RYK: variants seen among roughly 807,000 people sequenced by gnomAD.
RYK encodes inactive tyrosine-protein kinase RYK.
In RYK, 21 loss-of-function variants were observed where a neutral mutation model predicts 70.2. The ratio of observed to expected loss-of-function variants is 0.30; its 90% CI spans 0.21 to 0.43. The LOEUF (loss-of-function observed/expected upper bound fraction) is 0.43. RYK is among the 20% of genes least tolerant of loss of function. The probability of loss-of-function intolerance (pLI) is 1.00; values close to 1 mark genes in which losing one functional copy is unlikely to be tolerated. For synonymous variants in RYK, 267 were observed against 278.0 expected, an observed-to-expected ratio of 0.96 and a Z score of 0.39; for missense variants, 604 against 753.3, an observed-to-expected ratio of 0.80 and a Z score of 2.32.
chr3:134,225,879 A>C (rs2107687479), intron 1 of RYK, among the ~76,000 whole-genome samples: 1 of 151,990 alleles, frequency 6.6e-6, no homozygotes, highest in East Asian at 1.9e-4. Context: ...GATCAAAAAA[A>C]AAAAAGATCA....
chr3:134,188,859 T>C lies in RYK; in HGVS notation c.1080A>G (p.Gln360=), dbSNP rs2013554863. 6.3e-7 allele frequency: 1 copy of C among 1,576,418 alleles called. No homozygotes were observed. ...IDEKDPNKEK[Q]AFVKTVKDQA... ...TACCTTTAACTGTTTTGACAAATGC[T>C]TGTTTTTCTTTATTTGGATCTTTTT... Residue 360 remains glutamine (Q), a synonymous_variant, in exon 9 of 15, where the codon CAA becomes CAG. Transcript: ENST00000623711.
chr3:134,221,935 CT>C (rs2014750637), intron 2 of RYK, among the ~76,000 whole-genome samples: 1 of 152,126 alleles, frequency 6.6e-6, no homozygotes, highest in African/African-American at 2.4e-5. Flanking sequence ...GGGTTTAGCC[CT>C]TATGGGTAAA....
At chr3:134,196,433 A>C (rs2013812460) in intron 6 of RYK, among the ~76,000 whole-genome samples, 1 of 152,160 alleles carries the variant, frequency 6.6e-6, no homozygotes. Context: ...TATTTTCAAA[A>C]ACTGGTGATT....
chr3:134,200,035 CTG>C (rs1286821609), intron 6 of RYK, among the ~76,000 whole-genome samples: 1 of 131,786 alleles, frequency 7.6e-6, no homozygotes, highest in African/African-American at 2.8e-5. Flanking sequence ...AATCACCACT[CTG>C]TAAAATGGGC....
chr3:134,217,941 T>C (rs1438755238), intron 2 of RYK, among the ~76,000 whole-genome samples: 1 of 152,200 alleles, frequency 6.6e-6, no homozygotes, highest in Non-Finnish European at 1.5e-5. Flanking sequence ...GGAACTGCAA[T>C]AGTGGCTGAA....
chr3:134,238,763 C>A (rs972518002), intron 1 of RYK, among the ~76,000 whole-genome samples: 4 of 152,124 alleles, frequency 2.6e-5, no homozygotes, highest in African/African-American at 9.7e-5. Flanking sequence ...TAAGTAGAAT[C>A]ATGGAAAATA....
intron 13 of RYK, among the ~76,000 whole-genome samples, chr3:134,172,559 A>C (rs913015357): frequency 2.0e-5 from 3 of 152,226 alleles, no homozygotes; most frequent in African/African-American, 7.2e-5. Context: ...GCAGCTGTGC[A>C]TTGGTCTAAA....
chr3:134,223,457 A>T (rs1386735352), intron 1 of RYK, among the ~76,000 whole-genome samples: 1 of 152,178 alleles, frequency 6.6e-6, no homozygotes, highest in African/African-American at 2.4e-5. Flanking sequence ...AGTTACTGTT[A>T]AAAAAAGAGT....
At chr3:134,185,201 A>G (rs1389873408) in intron 9 of RYK, among the ~76,000 whole-genome samples, 1 of 152,182 alleles carries the variant, frequency 6.6e-6, no homozygotes, top group Non-Finnish European at 1.5e-5. Flanking sequence ...GGAAGAGAGA[A>G]ATGTAAAAGA....
intron 7 of RYK, among the ~76,000 whole-genome samples, chr3:134,192,861 C>T (rs952186566): frequency 6.6e-6 from 1 of 152,144 alleles, no homozygotes; most frequent in African/African-American, 2.4e-5. Context: ...AGCAGTTTGA[C>T]TGTGATAGAC....
intron 1 of RYK, among the ~76,000 whole-genome samples, chr3:134,240,124 T>A (rs1347958722): frequency 6.6e-6 from 1 of 152,236 alleles, no homozygotes. Context: ...TATTTATAAA[T>A]TCTTAATTTC....
intron 5 of RYK, among the ~76,000 whole-genome samples, chr3:134,204,138 GCTTTT>G (rs946046120): frequency 6.6e-6 from 1 of 152,038 alleles, no homozygotes; most frequent in African/African-American, 2.4e-5. Flanking sequence ...AAATTGTTTT[GCTTTT>G]CTGTTTTTAA....
chr3:134,194,960 T>C (rs1322538673), intron 7 of RYK, 122 bp downstream of exon 7: 1 of 658,022 alleles, frequency 1.5e-6, no homozygotes, highest in Non-Finnish European at 2.6e-6. Flanking sequence ...GCATACCTAA[T>C]TTTGCATACT....
At chr3:134,186,847 C>G (rs2013481685) in intron 9 of RYK, among the ~76,000 whole-genome samples, 1 of 151,810 alleles carries the variant, frequency 6.6e-6, no homozygotes, top group Non-Finnish European at 1.5e-5. Context: ...CTATAGAATA[C>G]TTACAAACCC....
intron 4 of RYK, among the ~76,000 whole-genome samples, chr3:134,209,316 G>C (rs1296524762): frequency 2.0e-5 from 3 of 152,106 alleles, no homozygotes; most frequent in Non-Finnish European, 4.4e-5. Flanking sequence ...TTCCAACCCA[G>C]GTCTATCTCA....
chr3:134,158,822 A>G (rs751542670), intron 14 of RYK, among the ~76,000 whole-genome samples: 64 of 152,216 alleles, frequency 4.2e-4, no homozygotes, highest in Admixed American at 1.1e-3. Context: ...ACTAGTCCAG[A>G]TCATCTTCCC....
At chr3:134,217,712 A>G (rs752613289) in intron 2 of RYK, among the ~76,000 whole-genome samples, 1 of 152,230 alleles carries the variant, frequency 6.6e-6, no homozygotes, top group African/African-American at 2.4e-5. Flanking sequence ...GAAAGACAAT[A>G]ATCAGGCAAC....
chr3:134,159,330 T>C lies in RYK; in HGVS notation c.1619A>G (p.Gln540Arg), dbSNP rs1231117194. The change falls in exon 14 of 15, where the codon CAG becomes CGG. Residue 540 changes from glutamine to arginine, a missense_variant. By Grantham distance (43) the Gln-to-Arg change is conservative. Transcript: ENST00000623711. ...VTLWELMTLG[Q>R]TPYVDIDPFE... Reference sequence around the variant, plus strand: ...GGGGTCAATGTCCACGTAGGGAGTCTGGCCCAGAGTCATGAGTTCCCACAG... The same window carrying C: ...GGGGTCAATGTCCACGTAGGGAGTCCGGCCCAGAGTCATGAGTTCCCACAG... 1 of 1,613,734 alleles carries C rather than the reference T, an allele frequency of 6.2e-7. No individual in the cohort carries two copies. The highest frequency in any genetic ancestry group is 8.5e-7 in the Non-Finnish European group (1 of 1,179,830).
intron 2 of RYK, among the ~76,000 whole-genome samples, chr3:134,215,154 A>C (rs1381167417): frequency 6.6e-6 from 1 of 152,216 alleles, no homozygotes; most frequent in East Asian, 1.9e-4. Context: ...GGAGAGAAGG[A>C]GCAGACCAGA....
Sources: gnomAD v4.1 joint callset for allele counts (sites outside exome capture counted in the v4.1 genomes callset) on GRCh38, gnomAD v4.1.1 for gene constraint, MANE v1.5 for transcripts, NCBI Gene and HGNC (gene_info 2026-07-23, HGNC 2026-07-21) for gene names.